The following PYM1 variants were observed in gnomAD, a reference collection of about 807,000 sequenced individuals.
PYM1 encodes the protein partner of Y14 and mago.
A neutral mutation model predicts 20.7 loss-of-function variants in PYM1; 7 were observed. The ratio of observed to expected loss-of-function variants is 0.34; its 90% CI spans 0.19 to 0.64. The LOEUF (loss-of-function observed/expected upper bound fraction) is 0.64. PYM1 is among the 30% of genes least tolerant of loss of function. The pLI is 0.74. For missense variants in PYM1, 194 were observed against 250.0 expected (o/e 0.78, Z 1.51); for synonymous variants, 100 against 99.2 (o/e 1.01, Z -0.05).
At chr12:55,927,346 C>T (rs971251774) in intron 1 of PYM1, 5 of 739,244 alleles carry the variant, frequency 6.8e-6, no homozygotes, top group Non-Finnish European at 1.2e-5. Flanking sequence ...GCCTGTAAAA[C>T]AGTCCTCAGG....
In PYM1 at chr12:55,927,857, C is replaced by A. The variant is rs1251848290; in HGVS notation, c.-96G>T. The stretch of plus-strand genomic sequence containing the variant: ...GGATTCGGCGGCGAAGTGATGAGGG[C>A]CCTAGTTGCTTCTCGCCCAGACCTC... On this transcript the variant is annotated 5_prime_UTR_variant, in exon 1 of 3. Transcript: ENST00000408946. The A allele has an allele frequency of 1.4e-6, 2 of 1,463,884 alleles. No homozygotes were observed. Among genetic ancestry groups the A allele is most frequent in the East Asian group, 2.5e-5 (1 of 39,866 alleles). The allele number at this position is 1,463,884 out of a possible 1,614,324, so 90.7% of individuals were successfully genotyped here.
At chr12:55,926,537 T>C (rs1222214512) in intron 1 of PYM1, among the ~76,000 whole-genome samples, 1 of 152,136 alleles carries the variant, frequency 6.6e-6, no homozygotes, top group Non-Finnish European at 1.5e-5. Context: ...CTGAAAGTTG[T>C]ATTAGGGTCC....
At chr12:55,927,154 G>T (rs776746086) in intron 1 of PYM1, 49 of 1,550,932 alleles carry the variant, frequency 3.2e-5, no homozygotes, top group South Asian at 7.1e-5. Context: ...CTGGGGTCCC[G>T]CCCCCCTCCC....
chr12:55,918,731 G>A (rs1194784006), intron 1 of PYM1, among the ~76,000 whole-genome samples: 1 of 152,132 alleles, frequency 6.6e-6, no homozygotes, highest in Non-Finnish European at 1.5e-5. Flanking sequence ...AGCTGGGCGT[G>A]GTGGCACGTG....
rs1053748149 is a variant in PYM1, at chr12:55,903,209, C to T, written c.131+178G>A. ...AGGTCAAAAGTATAGGACTAGTGATCTGTAACCCTCACTCATCCCTGAATC... is the reference window on the plus strand; with the variant it reads ...AGGTCAAAAGTATAGGACTAGTGATTTGTAACCCTCACTCATCCCTGAATC... On this transcript the variant is annotated intron_variant, in intron 2 of 2. Transcript: ENST00000408946. Among the ~76,000 whole-genome samples the T allele has an allele frequency of 2.2e-4, 33 of 152,302 alleles. 1 individual carries two copies. Among genetic ancestry groups the T allele is most frequent in the African/African-American group, 7.7e-4 (32 of 41,572 alleles).
chr12:55,903,841 C>T (rs1701698), intron 1 of PYM1, among the ~76,000 whole-genome samples: 25,088 of 151,834 alleles, frequency 0.17, 2,348 homozygotes, highest in Admixed American at 0.22. Context: ...ATGACAATAG[C>T]GGATGTTGTA....
intron 1 of PYM1, chr12:55,914,155 G>C (rs953289382): frequency 1.7e-6 from 1 of 589,250 alleles, no homozygotes; most frequent in Non-Finnish European, 3.0e-6. Context: ...AGAGATTATA[G>C]CTGAAGGTTT....
intron 1 of PYM1, among the ~76,000 whole-genome samples, chr12:55,918,490 T>C (rs1883046369): frequency 6.6e-6 from 1 of 152,126 alleles, no homozygotes; most frequent in African/African-American, 2.4e-5. Context: ...CCCAGCACAC[T>C]AGGAGGCTGA....
intron 1 of PYM1, 133 bp downstream of exon 1, chr12:55,927,592 G>T (rs1222357952): frequency 3.3e-6 from 4 of 1,207,756 alleles, no homozygotes; most frequent in African/African-American, 1.5e-5. Context: ...TCTAGGGACG[G>T]TTGGAGACCC....
intron 1 of PYM1, among the ~76,000 whole-genome samples, chr12:55,922,404 G>A (rs1336714712): frequency 7.6e-6 from 1 of 131,300 alleles, no homozygotes; most frequent in African/African-American, 2.9e-5. Context: ...GAGCTCAGGA[G>A]TTCAAGACCA....
At chr12:55,904,612 A>AAAAAAAAG (rs1555180383) in intron 1 of PYM1, among the ~76,000 whole-genome samples, 200 of 143,684 alleles carry the variant, frequency 1.4e-3, no homozygotes, top group Admixed American at 2.1e-3. Flanking sequence ...AAAAAAAAAA[A>AAAAAAAAG]AAAAAAAGAA....
chr12:55,926,742 G>A (rs974072156), intron 1 of PYM1, among the ~76,000 whole-genome samples: 7 of 152,092 alleles, frequency 4.6e-5, no homozygotes, highest in Non-Finnish European at 1.0e-4. Context: ...GGAACTGGAG[G>A]GAAATGAGAG....
rs1338263310 is a variant in PYM1, at chr12:55,905,931, C to A, written c.38-2451G>T. Among the ~76,000 whole-genome samples the A allele has an allele frequency of 1.1e-4, 11 of 103,356 alleles. 2 individuals are homozygous for A. The highest frequency in any genetic ancestry group is 2.7e-4 in the South Asian group (1 of 3,644). 67.8% of individuals were successfully genotyped at this position (103,356 alleles called of 152,430 possible). On this transcript the variant is annotated intron_variant, in intron 1 of 2. Coordinates refer to ENST00000408946, the MANE Select transcript of PYM1 (RefSeq NM_032345.3). Reference sequence around the variant, plus strand: ...TAGATATATATATTATTATATATATCTAATAGATATATATATTATTATATA... The same window carrying A: ...TAGATATATATATTATTATATATATATAATAGATATATATATTATTATATA...
chr12:55,902,760 C>T, intron 2 of PYM1, among the ~76,000 whole-genome samples: 1 of 148,822 alleles, frequency 6.7e-6, no homozygotes, highest in Admixed American at 6.7e-5. Flanking sequence ...TTACAGAGAG[C>T]CACTGCGCCT....
At position 55,901,630 on chromosome 12, in the gene PYM1, G is replaced by C. The variant is rs887245807; in HGVS notation, c.*242C>G. On this transcript the variant is annotated 3_prime_UTR_variant, in exon 3 of 3. Coordinates refer to ENST00000408946, the MANE Select transcript of PYM1 (RefSeq NM_032345.3). ...ACCCAAATCAGCAGCAAAGGTACCT[G>C]GGGTAGTCACTGAGATTTTGAACAC... is the stretch of plus-strand genomic sequence containing the variant. 3 of 499,698 alleles carry C rather than the reference G, an allele frequency of 6.0e-6. No individual in the cohort carries two copies. Among genetic ancestry groups the C allele is most frequent in the Non-Finnish European group, 1.0e-5 (3 of 286,750 alleles). The allele number at this position is 499,698 out of a possible 1,614,324, so 31.0% of individuals were successfully genotyped here.
At chr12:55,918,711 T>C (rs1242319690) in intron 1 of PYM1, among the ~76,000 whole-genome samples, 3 of 151,952 alleles carry the variant, frequency 2.0e-5, no homozygotes, top group Non-Finnish European at 2.9e-5. Context: ...CTACTAAAAA[T>C]ACAAAAATTA....
chr12:55,926,192 T>G (rs1883183865), intron 1 of PYM1, among the ~76,000 whole-genome samples: 1 of 152,258 alleles, frequency 6.6e-6, no homozygotes, highest in African/African-American at 2.4e-5. Flanking sequence ...TTACATATAT[T>G]ATTTGATCAT....
intron 1 of PYM1, among the ~76,000 whole-genome samples, chr12:55,910,761 GCATGAGA>G (rs1882908253): frequency 6.6e-6 from 1 of 152,148 alleles, no homozygotes; most frequent in Admixed American, 6.5e-5. Flanking sequence ...TTTTAGGGAG[GCATGAGA>G]CATCACTCAA....
At chr12:55,904,555 C>T (rs112600085) in intron 1 of PYM1, among the ~76,000 whole-genome samples, 2 of 145,628 alleles carry the variant, frequency 1.4e-5, no homozygotes, top group African/African-American at 5.1e-5. Context: ...GAGATTGCGC[C>T]ACTGCACTCC....
Sources: gnomAD v4.1 joint callset for allele counts (sites outside exome capture counted in the v4.1 genomes callset) on GRCh38, gnomAD v4.1.1 for gene constraint, MANE v1.5 for transcripts, NCBI Gene and HGNC (gene_info 2026-07-23, HGNC 2026-07-21) for gene names.